SKAP1: variants seen among roughly 807,000 people sequenced by gnomAD.
The protein encoded by SKAP1 is src kinase-associated phosphoprotein 1.
Under a neutral mutation model 58.5 loss-of-function variants are expected in SKAP1, and 44 were observed. That is an observed-to-expected ratio of 0.75 (90% CI 0.59 to 0.97). The LOEUF (loss-of-function observed/expected upper bound fraction) is 0.97, where lower values mean the gene tolerates loss of function less well. SKAP1 is among the 50% of genes least tolerant of loss of function. SKAP1 has a pLI of 0.00. For synonymous variants in SKAP1, 127 were observed against 149.7 expected, an observed-to-expected ratio of 0.85 and a Z score of 1.11; for missense variants, 390 against 435.2, an observed-to-expected ratio of 0.90 and a Z score of 0.92.
chr17:48,360,853 C>CT (rs898995385), intron 3 of SKAP1, among the ~76,000 whole-genome samples: 177 of 151,224 alleles, frequency 1.2e-3, no homozygotes, highest in Non-Finnish European at 1.4e-3. Flanking sequence ...AAACTACTGG[C>CT]TTTTTTTTTC....
chr17:48,243,664 T>C (rs192555064), intron 4 of SKAP1, among the ~76,000 whole-genome samples: 50 of 152,234 alleles, frequency 3.3e-4, no homozygotes, highest in Non-Finnish European at 5.4e-4. Flanking sequence ...GAAGCGCAAA[T>C]AAAACCGAGG....
At chr17:48,304,262 A>G (rs2066104785) in intron 4 of SKAP1, among the ~76,000 whole-genome samples, 1 of 152,216 alleles carries the variant, frequency 6.6e-6, no homozygotes, top group African/African-American at 2.4e-5. Flanking sequence ...AAATACAGAT[A>G]AGGAAAGGAA....
chr17:48,362,563 T>C (rs1001012175), intron 3 of SKAP1, among the ~76,000 whole-genome samples: 7 of 152,240 alleles, frequency 4.6e-5, no homozygotes, highest in African/African-American at 1.7e-4. Flanking sequence ...GCTCAATCTA[T>C]GTTTTCAGCT....
At chr17:48,189,059 T>C (rs1480686806) in intron 5 of SKAP1, among the ~76,000 whole-genome samples, 1 of 152,152 alleles carries the variant, frequency 6.6e-6, no homozygotes. Context: ...GAAAGTAGAC[T>C]GCTTCACATA....
intron 6 of SKAP1, among the ~76,000 whole-genome samples, chr17:48,186,247 G>A (rs551647186): frequency 6.6e-6 from 1 of 152,250 alleles, no homozygotes; most frequent in East Asian, 1.9e-4. Flanking sequence ...GGGGTTGGAA[G>A]GACACAGAGG....
chr17:48,316,925 C>T (rs913735973), intron 4 of SKAP1, among the ~76,000 whole-genome samples: 3 of 152,186 alleles, frequency 2.0e-5, no homozygotes, highest in Admixed American at 6.5e-5. Context: ...GATCTTATCT[C>T]CCCTAGTAGC....
At chr17:48,384,667 T>C (rs543392270) in intron 2 of SKAP1, among the ~76,000 whole-genome samples, 81 of 152,346 alleles carry the variant, frequency 5.3e-4, no homozygotes, top group African/African-American at 1.8e-3. Context: ...CAATATTTTA[T>C]GTAAACTCTA....
intron 2 of SKAP1, among the ~76,000 whole-genome samples, chr17:48,369,576 C>T (rs1370357509): frequency 6.6e-6 from 1 of 151,984 alleles, no homozygotes; most frequent in African/African-American, 2.4e-5. Flanking sequence ...TTGAGGGAAT[C>T]TTGATAAGCA....
intron 4 of SKAP1, among the ~76,000 whole-genome samples, chr17:48,195,303 C>T (rs868609849): frequency 5.4e-4 from 83 of 152,312 alleles, no homozygotes; most frequent in Middle Eastern, 3.4e-3. Flanking sequence ...GAAGTGTCAT[C>T]TTCCGATGCT....
chr17:48,291,856 C>T (rs1211448620), intron 4 of SKAP1, among the ~76,000 whole-genome samples: 1 of 152,156 alleles, frequency 6.6e-6, no homozygotes, highest in African/African-American at 2.4e-5. Context: ...AACAGGACTG[C>T]ATACTAGCGT....
At chr17:48,283,953 T>G (rs2065799222) in intron 4 of SKAP1, among the ~76,000 whole-genome samples, 1 of 152,206 alleles carries the variant, frequency 6.6e-6, no homozygotes, top group Admixed American at 6.5e-5. Context: ...TCAATGCCAT[T>G]CTCTGTCTAC....
chr17:48,435,499 TTATAGAC>T, the SKAP1 span, among the ~76,000 whole-genome samples: 1 of 152,222 alleles, frequency 6.6e-6, no homozygotes, highest in Non-Finnish European at 1.5e-5. Flanking sequence ...AAGACTAATT[TTATAGAC>T]TATAGACTAT....
At chr17:48,158,100 C>T (rs1370317094) in intron 11 of SKAP1, among the ~76,000 whole-genome samples, 6 of 149,226 alleles carry the variant, frequency 4.0e-5, no homozygotes, top group Non-Finnish European at 8.9e-5. Context: ...TTGCTTGAAC[C>T]CGGGAGGTGG....
chr17:48,429,947 T>C, intron 1 of SKAP1, 128 bp downstream of exon 1: 1 of 762,094 alleles, frequency 1.3e-6, no homozygotes, highest in Non-Finnish European at 1.8e-6. Context: ...AGTTGAGGGC[T>C]CTAGAAGCCT....
chr17:48,422,765 G>A (rs906901907), intron 1 of SKAP1, among the ~76,000 whole-genome samples: 3 of 151,990 alleles, frequency 2.0e-5, no homozygotes, highest in African/African-American at 4.8e-5. Context: ...TCTAATTCTC[G>A]GCAACATCCA....
chr17:48,201,584 A>C (rs1380578516), intron 4 of SKAP1, among the ~76,000 whole-genome samples: 1 of 152,126 alleles, frequency 6.6e-6, no homozygotes, highest in Non-Finnish European at 1.5e-5. Context: ...ACAGGGTCTC[A>C]CTATGTTTCC....
chr17:48,293,869 T>G (rs938579023), intron 4 of SKAP1, among the ~76,000 whole-genome samples: 1 of 152,218 alleles, frequency 6.6e-6, no homozygotes, highest in Non-Finnish European at 1.5e-5. Context: ...CTCTCTATGA[T>G]TGTTCCTTTA....
chr17:48,421,324 C>T lies in SKAP1; in HGVS notation c.46+8751G>A, dbSNP rs540783966. Among the ~76,000 whole-genome samples the T allele has an allele frequency of 1.7e-4, 20 of 119,220 alleles. No homozygotes were observed. The East Asian group carries it at 2.4e-3, about 14-fold the overall frequency. 78.2% of individuals were successfully genotyped at this position (119,220 alleles called of 152,430 possible). Reference sequence around the variant, plus strand: ...TTTTTTTTTTTTTTTTTTTTAAAGACGAATTTTGCTCTGTCACCCAGGCTG... The same window carrying T: ...TTTTTTTTTTTTTTTTTTTTAAAGATGAATTTTGCTCTGTCACCCAGGCTG... On this transcript the variant is annotated intron_variant, in intron 1 of 12. Transcript: ENST00000336915.
At chr17:48,314,002 TTA>T (rs1254234264) in intron 4 of SKAP1, among the ~76,000 whole-genome samples, 1 of 152,206 alleles carries the variant, frequency 6.6e-6, no homozygotes, top group African/African-American at 2.4e-5. Flanking sequence ...GATGGAAACT[TTA>T]TGAGTTGACT....
Sources: gnomAD v4.1 joint callset for allele counts (sites outside exome capture counted in the v4.1 genomes callset) on GRCh38, gnomAD v4.1.1 for gene constraint, MANE v1.5 for transcripts, NCBI Gene and HGNC (gene_info 2026-07-23, HGNC 2026-07-21) for gene names.